PTPRN2: variants seen among roughly 807,000 people sequenced by gnomAD.
PTPRN2 encodes receptor-type tyrosine-protein phosphatase N2.
In PTPRN2, 74 loss-of-function variants were observed where a neutral mutation model predicts 118.8. The observed-to-expected ratio is 0.62, with a 90% CI of 0.52 to 0.76. The LOEUF is 0.76. PTPRN2 is among the 30% of genes least tolerant of loss of function. PTPRN2 has a pLI of 0.00. For synonymous variants in PTPRN2, 641 were observed against 608.0 expected (o/e 1.05, Z -0.80); for missense variants, 1,481 against 1,394.4 (o/e 1.06, Z -0.99).
intron 1 of PTPRN2, among the ~76,000 whole-genome samples, chr7:158,533,826 T>G (rs934026400): frequency 6.6e-6 from 1 of 152,212 alleles, no homozygotes; most frequent in African/African-American, 2.4e-5. Flanking sequence ...GGATGCAGAA[T>G]GAACACCATG....
Position 157,598,203 on chromosome 7 carries a change from C to A in PTPRN2, c.2419-2888G>T, listed in dbSNP as rs945774822. On this transcript the variant is annotated intron_variant, in intron 16 of 22. Transcript: ENST00000389418. The surrounding 1 kb of genome is among the most constrained non-coding windows in gnomAD (Gnocchi z 5.2). ...GGTGTGTGTCCCTCTGTCTTCCCCA[C>A]CCAGCGATCACACGGCACCTACTCT... Among the ~76,000 whole-genome samples, 1 of 152,222 alleles carries A rather than the reference C, an allele frequency of 6.6e-6. No individual in the cohort carries two copies. The highest frequency in any genetic ancestry group is 2.4e-5 in the African/African-American group (1 of 41,454).
intron 16 of PTPRN2, among the ~76,000 whole-genome samples, chr7:157,597,712 C>G (rs1801426046): frequency 6.6e-6 from 1 of 152,162 alleles, no homozygotes; most frequent in Non-Finnish European, 1.5e-5. Context: ...AAGACAGGAG[C>G]AAATACAGTC....
At chr7:157,746,402 C>G (rs1290531707) in intron 12 of PTPRN2, among the ~76,000 whole-genome samples, 2 of 151,400 alleles carry the variant, frequency 1.3e-5, no homozygotes, top group Non-Finnish European at 2.9e-5. Flanking sequence ...CTCCCCGCAC[C>G]CCACAGTCCA....
intron 13 of PTPRN2, among the ~76,000 whole-genome samples, chr7:157,677,774 T>G (rs146067534): frequency 3.5e-4 from 54 of 152,366 alleles, no homozygotes; most frequent in African/African-American, 1.3e-3. Flanking sequence ...TCTGCAGGTT[T>G]CCTTCCGATT....
At chr7:158,254,652 C>A (rs1264096607) in intron 3 of PTPRN2, among the ~76,000 whole-genome samples, 1 of 146,416 alleles carries the variant, frequency 6.8e-6, no homozygotes, top group Non-Finnish European at 1.5e-5. Flanking sequence ...CGGCACGACC[C>A]GCCCTCCATC....
intron 10 of PTPRN2, among the ~76,000 whole-genome samples, chr7:158,096,876 G>A (rs1814669703): frequency 6.6e-6 from 1 of 152,198 alleles, no homozygotes; most frequent in Non-Finnish European, 1.5e-5. Context: ...CTCCCCTGGG[G>A]CTCCTGGGAG....
intron 2 of PTPRN2, among the ~76,000 whole-genome samples, chr7:158,336,372 C>G (rs1333874282): frequency 4.9e-4 from 43 of 87,194 alleles, no homozygotes; most frequent in African/African-American, 1.3e-3. Context: ...ACCATAAGAG[C>G]TGACACATGC....
intron 11 of PTPRN2, among the ~76,000 whole-genome samples, chr7:157,909,609 C>T (rs947616240): frequency 6.6e-6 from 1 of 152,234 alleles, no homozygotes; most frequent in African/African-American, 2.4e-5. Context: ...GCCTCAGGGC[C>T]TTTGTACCTG....
At chr7:158,162,831 T>A (rs1822485519) in intron 6 of PTPRN2, among the ~76,000 whole-genome samples, 1 of 152,232 alleles carries the variant, frequency 6.6e-6, no homozygotes. Context: ...GTTGACTGAC[T>A]GCTTCTTTGG....
At chr7:158,533,542 C>T (rs910177548) in intron 1 of PTPRN2, among the ~76,000 whole-genome samples, 2 of 152,180 alleles carry the variant, frequency 1.3e-5, no homozygotes, top group African/African-American at 4.8e-5. Context: ...CCCTGTCCTG[C>T]GTGATGGGTC....
At chr7:158,454,516 G>A (rs956204074) in intron 2 of PTPRN2, among the ~76,000 whole-genome samples, 8 of 149,344 alleles carry the variant, frequency 5.4e-5, no homozygotes, top group Admixed American at 2.6e-4. Context: ...GTGAGGATTG[G>A]GGACAGTTGT....
rs1810212099 is a variant in PTPRN2, at chr7:157,861,236, C to T, written c.1788+37437G>A. On this transcript the variant is annotated intron_variant, in intron 12 of 22. Coordinates refer to ENST00000389418, the MANE Select transcript of PTPRN2 (RefSeq NM_002847.5). This position sits in a 1 kb window ranked among gnomAD's most constrained non-coding sequence, Gnocchi z 5.8. Reference sequence around the variant, plus strand: ...GGGTCCAAATGCTGAATTCCTGTACCTTTTACATACGTGAAGTCTATACAA... The same window carrying T: ...GGGTCCAAATGCTGAATTCCTGTACTTTTTACATACGTGAAGTCTATACAA... Among the ~76,000 whole-genome samples, 1 of 152,222 alleles carries T rather than the reference C, an allele frequency of 6.6e-6. No homozygotes were observed. Among genetic ancestry groups the T allele is most frequent in the African/African-American group, 2.4e-5 (1 of 41,460 alleles).
chr7:158,277,005 G>C (rs1035026936), intron 3 of PTPRN2, among the ~76,000 whole-genome samples: 34 of 152,178 alleles, frequency 2.2e-4, no homozygotes, highest in African/African-American at 8.2e-4. Context: ...GGGTGGGGTG[G>C]GGGGCACTGA....
chr7:157,849,941 G>C (rs752060716), intron 12 of PTPRN2, among the ~76,000 whole-genome samples: 3 of 152,232 alleles, frequency 2.0e-5, no homozygotes. Context: ...CCGTGTCCTG[G>C]GGACGACATG....
At chr7:158,023,780 C>T (rs1476612202) in intron 11 of PTPRN2, among the ~76,000 whole-genome samples, 1 of 152,328 alleles carries the variant, frequency 6.6e-6, no homozygotes, top group Non-Finnish European at 1.5e-5. Flanking sequence ...ATGTCAGTCC[C>T]TCCTGAGTCA....
At chr7:158,333,380 C>T (rs1563157075) in intron 2 of PTPRN2, among the ~76,000 whole-genome samples, 1 of 144,772 alleles carries the variant, frequency 6.9e-6, no homozygotes, top group South Asian at 2.1e-4. Flanking sequence ...ACACTCGCAC[C>T]ATAAGAGGTG....
chr7:158,207,874 A>G (rs1343341162), intron 3 of PTPRN2, among the ~76,000 whole-genome samples: 1 of 152,214 alleles, frequency 6.6e-6, no homozygotes, highest in Admixed American at 6.5e-5. Context: ...GTTTTAAAAA[A>G]ATTCAGTGAA....
intron 5 of PTPRN2, among the ~76,000 whole-genome samples, chr7:158,172,102 A>T (rs758458206): frequency 6.6e-6 from 1 of 152,152 alleles, no homozygotes; most frequent in Non-Finnish European, 1.5e-5. Context: ...CTGCATTTCC[A>T]TATGACGAGA....
At chr7:157,973,954 G>C (rs1364040383) in intron 11 of PTPRN2, among the ~76,000 whole-genome samples, 6 of 152,150 alleles carry the variant, frequency 3.9e-5, no homozygotes, top group Non-Finnish European at 8.8e-5. Context: ...TTCATTGTCA[G>C]TGGTGTTACA....
Sources: gnomAD v4.1 joint callset for allele counts (sites outside exome capture counted in the v4.1 genomes callset) on GRCh38, gnomAD v4.1.1 for gene constraint, Gnocchi (gnomAD v3.1) non-coding constraint, MANE v1.5 for transcripts, NCBI Gene and HGNC (gene_info 2026-07-23, HGNC 2026-07-21) for gene names.